Variants in ZC3H12B observed in about 807,000 individuals in gnomAD.
The protein encoded by ZC3H12B is zinc finger CCCH-type containing 12B.
ZC3H12B carries 7 observed loss-of-function variants against 43.9 expected under a neutral mutation model. The ratio of observed to expected loss-of-function variants is 0.16; its 90% CI spans 0.09 to 0.30. The LOEUF (loss-of-function observed/expected upper bound fraction) is 0.30. Among genes scored for constraint, ZC3H12B ranks in the 10% least tolerant of loss-of-function variants. The pLI is 1.00. For missense variants in ZC3H12B, 475 were observed against 670.2 expected, an observed-to-expected ratio of 0.71 and a Z score of 3.22; for synonymous variants, 222 against 241.7, an observed-to-expected ratio of 0.92 and a Z score of 0.76.
At chrX:65,427,448 C>A (rs759533980) in intron 3 of ZC3H12B, among the ~76,000 whole-genome samples, 2 of 111,014 alleles carry the variant, frequency 1.8e-5, no homozygotes, top group Admixed American at 1.9e-4. Flanking sequence ...TCCACCTCAG[C>A]CTCCCAAGTA....
chrX:65,477,694 G>A (rs1467404314), intron 3 of ZC3H12B, among the ~76,000 whole-genome samples: 3 of 110,104 alleles, frequency 2.7e-5, no homozygotes, highest in Admixed American at 9.7e-5. Flanking sequence ...CACGGGAGGC[G>A]GAGGTTGCAG....
At chrX:65,200,801 T>C in the ZC3H12B span, among the ~76,000 whole-genome samples, 3 of 111,132 alleles carry the variant, frequency 2.7e-5, no homozygotes, top group Non-Finnish European at 1.9e-5. Flanking sequence ...TTTTCAATTT[T>C]TGTTTTTGTT....
the ZC3H12B span, among the ~76,000 whole-genome samples, chrX:65,166,817 T>C: frequency 0.083 from 9,299 of 111,916 alleles, 1,030 homozygotes; most frequent in African/African-American, 0.29. Flanking sequence ...TTTTCACATG[T>C]CTGTTGGCTG....
At chrX:65,122,995 G>A in the ZC3H12B span, among the ~76,000 whole-genome samples, 19 of 111,914 alleles carry the variant, frequency 1.7e-4, no homozygotes, top group Non-Finnish European at 1.9e-5. Flanking sequence ...AAGTTAACAA[G>A]TCTTGTGCCA....
chrX:65,190,338 G>A, the ZC3H12B span, among the ~76,000 whole-genome samples: 10 of 111,189 alleles, frequency 9.0e-5, no homozygotes, highest in Admixed American at 5.7e-4. Flanking sequence ...TGTGAAGAAA[G>A]TCATTGGTAG....
chrX:65,284,881 A>G, the ZC3H12B span, among the ~76,000 whole-genome samples: 2 of 112,049 alleles, frequency 1.8e-5, no homozygotes, highest in Admixed American at 1.9e-4. Context: ...ATAATGGATG[A>G]AACCATGTAG....
chrX:65,212,509 T>A, the ZC3H12B span, among the ~76,000 whole-genome samples: 1 of 71,435 alleles, frequency 1.4e-5, no homozygotes, highest in Non-Finnish European at 2.4e-5. Context: ...ACATATTATA[T>A]ACAATATTTT....
chrX:65,262,494 T>C, the ZC3H12B span, among the ~76,000 whole-genome samples: 1 of 111,594 alleles, frequency 9.0e-6, no homozygotes, highest in African/African-American at 3.2e-5. Context: ...TTGGGTGATG[T>C]TGTGTAACTT....
the ZC3H12B span, among the ~76,000 whole-genome samples, chrX:65,215,678 C>G: frequency 9.0e-6 from 1 of 111,356 alleles, no homozygotes; most frequent in Non-Finnish European, 1.9e-5. Context: ...ACTGGAGTAA[C>G]ACTTTAATTT....
chrX:65,152,149 G>A, the ZC3H12B span, among the ~76,000 whole-genome samples: 1 of 111,526 alleles, frequency 9.0e-6, no homozygotes, highest in African/African-American at 3.3e-5. Flanking sequence ...AAAACTGGAA[G>A]CATTCCCTTT....
the ZC3H12B span, among the ~76,000 whole-genome samples, chrX:65,228,127 A>G: frequency 1.2e-4 from 13 of 111,869 alleles, no homozygotes; most frequent in Non-Finnish European, 2.4e-4. Flanking sequence ...TGATGCAAAA[A>G]TCCTCAATAA....
At chrX:65,132,478 G>T in the ZC3H12B span, among the ~76,000 whole-genome samples, 2 of 109,873 alleles carry the variant, frequency 1.8e-5, no homozygotes, top group Non-Finnish European at 3.8e-5. Context: ...GAGTAGGGGT[G>T]TCCCATACTT....
chrX:65,153,653 A>T, the ZC3H12B span, among the ~76,000 whole-genome samples: 1 of 112,320 alleles, frequency 8.9e-6, no homozygotes, highest in Non-Finnish European at 1.9e-5. Context: ...TAGTTCAACC[A>T]TTGTGGAAGT....
At chrX:65,194,322 C>T in the ZC3H12B span, among the ~76,000 whole-genome samples, 9 of 107,830 alleles carry the variant, frequency 8.3e-5, no homozygotes, top group Non-Finnish European at 1.2e-4. Flanking sequence ...TGCAGCACTC[C>T]AGCATGGCAC....
the ZC3H12B span, among the ~76,000 whole-genome samples, chrX:65,348,926 C>T: frequency 9.0e-6 from 1 of 111,190 alleles, no homozygotes; most frequent in Non-Finnish European, 1.9e-5. Context: ...TAGTGGGAGA[C>T]TTTAACACCC....
chrX:65,093,218 G>A, the ZC3H12B span, among the ~76,000 whole-genome samples: 2 of 111,867 alleles, frequency 1.8e-5, no homozygotes, highest in African/African-American at 6.5e-5. Flanking sequence ...TTCAGAAGAT[G>A]TATGGAAAAG....
the ZC3H12B span, among the ~76,000 whole-genome samples, chrX:65,182,896 G>A: frequency 8.9e-6 from 1 of 112,006 alleles, no homozygotes; most frequent in Non-Finnish European, 1.9e-5. Context: ...CAGCCAGAAT[G>A]GCTATTATTA....
chrX:65,197,515 A>G, the ZC3H12B span, among the ~76,000 whole-genome samples: 55 of 112,498 alleles, frequency 4.9e-4, 1 homozygote, highest in African/African-American at 9.7e-5. Context: ...CAAAAGGCCA[A>G]TGAGTTAATT....
the ZC3H12B span, among the ~76,000 whole-genome samples, chrX:65,205,820 G>T: frequency 1.8e-5 from 2 of 111,793 alleles, no homozygotes; most frequent in Admixed American, 9.6e-5. Flanking sequence ...ATTCAGCAAA[G>T]TTTCTGCATA....
Sources: gnomAD v4.1 joint callset for allele counts (sites outside exome capture counted in the v4.1 genomes callset) on GRCh38, gnomAD v4.1.1 for gene constraint, MANE v1.5 for transcripts, NCBI Gene and HGNC (gene_info 2026-07-23, HGNC 2026-07-21) for gene names.